Variants in DMD observed in about 807,000 individuals in gnomAD.
The protein encoded by DMD is mutant dystrophin.
DMD carries 63 observed loss-of-function variants against 330.1 expected under a neutral mutation model. The ratio of observed to expected loss-of-function variants is 0.19; its 90% CI spans 0.16 to 0.24. The LOEUF is 0.24. Ranked by LOEUF, DMD falls within the 10% of genes least tolerant of loss-of-function variation. The probability of loss-of-function intolerance (pLI) is 1.00; values close to 1 mark genes in which losing one functional copy is unlikely to be tolerated. For missense variants in DMD, 3,344 were observed against 2,684.1 expected (o/e 1.25, Z -5.43); for synonymous variants, 1,223 against 959.8 (o/e 1.27, Z -5.07).
intron 60 of DMD, among the ~76,000 whole-genome samples, chrX:31,430,793 C>CT (rs565087970): frequency 0.017 from 815 of 48,330 alleles, 90 homozygotes; most frequent in African/African-American, 0.026. Flanking sequence ...AAGTTAAGGT[C>CT]TTTTTTTTTT....
rs751916571 is a variant in DMD at position 31,409,847 on chromosome X, C to T, written c.9084+34634G>A. ...TTTATTTTTTTGAGATAGATAGAGT[C>T]TTGCTCTATCGCCCAGGCTGGAGGG... On this transcript the variant is annotated intron_variant, in intron 60 of 78. Coordinates refer to ENST00000357033, the MANE Select transcript of DMD (RefSeq NM_004006.3). Among the ~76,000 whole-genome samples, 11 of 111,751 alleles carry T rather than the reference C, an allele frequency of 9.8e-5. No individual in the cohort carries two copies. The South Asian group carries it at 4.1e-3, about 42-fold the overall frequency.
At chrX:31,370,693 G>A (rs762446015) in intron 60 of DMD, among the ~76,000 whole-genome samples, 2 of 111,905 alleles carry the variant, frequency 1.8e-5, no homozygotes, top group Non-Finnish European at 3.8e-5. Context: ...ATTTATCTCA[G>A]GGAAATAAAA....
chrX:31,473,082 C>A (rs748412582), intron 59 of DMD, among the ~76,000 whole-genome samples: 1 of 110,873 alleles, frequency 9.0e-6, no homozygotes, highest in Non-Finnish European at 1.9e-5. Context: ...ATAGTCTGGG[C>A]GCAGTGGCTC....
In DMD at chrX:31,878,463, T is replaced by C. The variant is rs1451177377; in HGVS notation, c.6913-3090A>G. Among the ~76,000 whole-genome samples, 4 of 112,022 alleles carry C rather than the reference T, an allele frequency of 3.6e-5. No homozygotes were observed. In the East Asian group the frequency reaches 1.1e-3, roughly 31 times the overall value. ...TCTATAGTAGTCAACCACAAAAAAATGTAAATTGTATCCTCAAGTTAAATA... is the reference window on the plus strand; with the variant it reads ...TCTATAGTAGTCAACCACAAAAAAACGTAAATTGTATCCTCAAGTTAAATA... On this transcript the variant is annotated intron_variant, in intron 47 of 78. Coordinates refer to ENST00000357033, the MANE Select transcript of DMD (RefSeq NM_004006.3).
intron 1 of DMD, among the ~76,000 whole-genome samples, chrX:33,044,978 A>C (rs2094357308): frequency 8.9e-6 from 1 of 111,756 alleles, no homozygotes; most frequent in Non-Finnish European, 1.9e-5. Context: ...ATGAATATAA[A>C]AAATGAGAAA....
chrX:31,314,137 T>C (rs1021703869), intron 62 of DMD, among the ~76,000 whole-genome samples: 1 of 112,077 alleles, frequency 8.9e-6, no homozygotes, highest in Non-Finnish European at 1.9e-5. Context: ...GCCCGACTGA[T>C]AGCCGTTTTT....
chrX:31,277,224 A>C (rs747694256), intron 62 of DMD, among the ~76,000 whole-genome samples: 1 of 111,320 alleles, frequency 9.0e-6, no homozygotes, highest in East Asian at 2.8e-4. Flanking sequence ...TTTCAAGACT[A>C]TACTAGATTT....
chrX:32,293,572 A>G (rs185632028), intron 42 of DMD, among the ~76,000 whole-genome samples: 1 of 111,903 alleles, frequency 8.9e-6, no homozygotes, highest in East Asian at 2.8e-4. Flanking sequence ...GGCAGACCAG[A>G]CTGTCTTTTG....
chrX:32,596,320 T>A lies in DMD; in HGVS notation c.1483-444A>T, dbSNP rs530226533. Among the ~76,000 whole-genome samples, 6 of 109,806 alleles carry A rather than the reference T, an allele frequency of 5.5e-5. No individual in the cohort carries two copies. The South Asian group carries it at 2.4e-3, about 43-fold the overall frequency. ...TCACTGAAAAAAAAAAAAACAAATG[T>A]ATCCTATAGTTACTGTGCCTACATA... is the stretch of plus-strand genomic sequence containing the variant. On this transcript the variant is annotated intron_variant, in intron 12 of 78. Transcript: ENST00000357033.
chrX:31,479,680 T>G (rs1246328571), intron 57 of DMD, among the ~76,000 whole-genome samples: 1 of 112,436 alleles, frequency 8.9e-6, no homozygotes, highest in Non-Finnish European at 1.9e-5. Context: ...TCTTTGAGAA[T>G]AGTAGAAATG....
At chrX:31,237,873 C>T (rs868680620) in intron 63 of DMD, among the ~76,000 whole-genome samples, 1 of 110,756 alleles carries the variant, frequency 9.0e-6, no homozygotes, top group Non-Finnish European at 1.9e-5. Flanking sequence ...GTGCCCACCA[C>T]CACGCCCAGC....
chrX:33,071,791 TAAAG>T (rs2094761742), intron 1 of DMD, among the ~76,000 whole-genome samples: 1 of 111,879 alleles, frequency 8.9e-6, no homozygotes, highest in African/African-American at 3.3e-5. Context: ...TTTTATGAGA[TAAAG>T]AGTTGCCATA....
intron 42 of DMD, among the ~76,000 whole-genome samples, chrX:32,294,144 C>T (rs887710462): frequency 4.5e-5 from 5 of 111,625 alleles, no homozygotes; most frequent in Non-Finnish European, 7.5e-5. Context: ...TTTTAAGTCA[C>T]TGTCTCCATC....
chrX:32,578,659 G>C (rs1307758280), intron 13 of DMD, among the ~76,000 whole-genome samples: 1 of 111,941 alleles, frequency 8.9e-6, no homozygotes, highest in East Asian at 2.8e-4. Flanking sequence ...ACAAGCCTGG[G>C]AGGTAAATCT....
At chrX:31,451,498 T>C (rs1048868226) in intron 59 of DMD, among the ~76,000 whole-genome samples, 9 of 109,751 alleles carry the variant, frequency 8.2e-5, no homozygotes, top group Non-Finnish European at 1.5e-4. Flanking sequence ...GCCAGGCTGG[T>C]CTTGAACTCT....
chrX:32,322,076 T>C (rs1461722703), intron 41 of DMD, among the ~76,000 whole-genome samples: 1 of 109,990 alleles, frequency 9.1e-6, no homozygotes, highest in Non-Finnish European at 1.9e-5. Context: ...AGAAATAAAC[T>C]GACATTAATA....
At chrX:32,111,272 G>A (rs1361927792) in intron 44 of DMD, among the ~76,000 whole-genome samples, 1 of 111,904 alleles carries the variant, frequency 8.9e-6, no homozygotes, top group African/African-American at 3.2e-5. Flanking sequence ...AGAAACACAC[G>A]TTCCATTCTT....
intron 38 of DMD, 68 bp downstream of exon 38, chrX:32,348,338 A>T: frequency 9.2e-7 from 1 of 1,084,864 alleles, no homozygotes; most frequent in Non-Finnish European, 1.3e-6. Context: ...TTGGAGACTT[A>T]TCTAAGTTCT....
At chrX:32,807,349 G>A (rs1268403114) in intron 7 of DMD, among the ~76,000 whole-genome samples, 1 of 110,622 alleles carries the variant, frequency 9.0e-6, no homozygotes, top group Non-Finnish European at 1.9e-5. Flanking sequence ...CAGGAAACCT[G>A]TTTAAGCGAT....
Sources: allele counts gnomAD v4.1 joint callset (sites outside exome capture counted in the v4.1 genomes callset), GRCh38; gene constraint gnomAD v4.1.1; transcripts MANE v1.5; gene names NCBI Gene and HGNC (gene_info 2026-07-23, HGNC 2026-07-21).